NEK10: variants seen among roughly 807,000 people sequenced by gnomAD.
NEK10 encodes the protein serine/threonine-protein kinase Nek10.
NEK10 carries 122 observed loss-of-function variants against 159.8 expected under a neutral mutation model. The observed-to-expected ratio is 0.76, with a 90% confidence interval of 0.66 to 0.89. NEK10 has a LOEUF of 0.89. Among genes scored for constraint, NEK10 ranks in the 40% least tolerant of loss-of-function variants. The probability of loss-of-function intolerance (pLI) is 0.00; values close to 1 mark genes in which losing one functional copy is unlikely to be tolerated. For synonymous variants in NEK10, 466 were observed against 457.1 expected, an observed-to-expected ratio of 1.02 and a Z score of -0.25; for missense variants, 1,342 against 1,323.1, an observed-to-expected ratio of 1.01 and a Z score of -0.22.
intron 23 of NEK10, among the ~76,000 whole-genome samples, chr3:27,213,725 A>G (rs1295639755): frequency 6.6e-6 from 1 of 152,222 alleles, no homozygotes; most frequent in Non-Finnish European, 1.5e-5. Context: ...TGATCTTTGT[A>G]GGAATAAGAT....
intron 30 of NEK10, among the ~76,000 whole-genome samples, chr3:27,145,821 C>T (rs1333171989): frequency 6.6e-6 from 1 of 151,470 alleles, no homozygotes; most frequent in Non-Finnish European, 1.5e-5. Context: ...ATCCTAATCC[C>T]CAAGGCAATG....
intron 30 of NEK10, among the ~76,000 whole-genome samples, chr3:27,157,097 G>A (rs1011109564): frequency 1.3e-5 from 2 of 150,914 alleles, no homozygotes; most frequent in African/African-American, 4.9e-5. Context: ...ACCAAACATT[G>A]TATCTTCTCA....
intron 30 of NEK10, among the ~76,000 whole-genome samples, chr3:27,156,728 T>C (rs532131940): frequency 5.9e-5 from 9 of 151,526 alleles, no homozygotes; most frequent in South Asian, 4.2e-4. Context: ...ACAATCACTA[T>C]GGAAAATAGT....
chr3:27,123,337 T>G (rs1454366354), intron 32 of NEK10, among the ~76,000 whole-genome samples: 2 of 152,104 alleles, frequency 1.3e-5, no homozygotes, highest in Non-Finnish European at 2.9e-5. Flanking sequence ...CTGGAGCTGA[T>G]CTTTGAAGGA....
At chr3:27,288,023 T>C (rs1293005011) in intron 19 of NEK10, among the ~76,000 whole-genome samples, 36 of 152,326 alleles carry the variant, frequency 2.4e-4, no homozygotes, top group Admixed American at 2.2e-3. Context: ...AAGAGAACTA[T>C]AGAGGTAGAA....
intron 4 of NEK10, 113 bp downstream of exon 4, chr3:27,345,973 T>TAAAG (rs1294314119): frequency 2.1e-6 from 2 of 966,964 alleles, no homozygotes; most frequent in African/African-American, 3.3e-5. Context: ...TAAGAATCGC[T>TAAAG]ATGGTAAATT....
chr3:27,368,223 C>T (rs1484443779), intron 1 of NEK10, among the ~76,000 whole-genome samples: 3 of 152,026 alleles, frequency 2.0e-5, no homozygotes, highest in Non-Finnish European at 4.4e-5. Flanking sequence ...ACCCGGAAGG[C>T]GGAGGCTGCA....
At chr3:27,158,316 T>C (rs957319592) in intron 30 of NEK10, among the ~76,000 whole-genome samples, 1 of 152,186 alleles carries the variant, frequency 6.6e-6, no homozygotes, top group Non-Finnish European at 1.5e-5. Context: ...AAAAATGCTA[T>C]GCAACATAAT....
rs1367557575 is a variant in NEK10, at chr3:27,202,453, G to A, written c.2195C>T (p.Thr732Ile). 2.5e-6 allele frequency: 4 copies of A among 1,613,684 alleles called. No homozygotes were observed. The highest frequency in any genetic ancestry group is 1.7e-5 in the Admixed American group (1 of 59,988). ...MATLSPPFYSTNMLSLATKIV... is the reference protein window; with the variant it reads ...MATLSPPFYSINMLSLATKIV... ...TTTTGTAGCCAAGGACAGCATGTTA[G>A]TGCTGTAGAAGGGGGGACTCAAAGT... is the stretch of plus-strand genomic sequence containing the variant. The change falls in exon 24 of 36, where the codon ACT becomes ATT. Residue 732 changes from threonine (T) to isoleucine (I), a missense_variant. Thr to Ile is a moderately conservative substitution (Grantham distance 89). Transcript: ENST00000691995.
intron 23 of NEK10, among the ~76,000 whole-genome samples, chr3:27,232,064 G>A (rs1953343072): frequency 6.6e-6 from 1 of 151,826 alleles, no homozygotes; most frequent in Admixed American, 6.6e-5. Flanking sequence ...TAACCCTGAT[G>A]AATATAGATG....
chr3:27,313,743 C>T (rs374820284), intron 7 of NEK10, among the ~76,000 whole-genome samples: 5 of 152,160 alleles, frequency 3.3e-5, no homozygotes, highest in African/African-American at 9.7e-5. Context: ...GGCGGAGTTT[C>T]GCTCTGTTGC....
At chr3:27,143,735 C>A (rs1276006519) in intron 30 of NEK10, among the ~76,000 whole-genome samples, 1 of 152,130 alleles carries the variant, frequency 6.6e-6, no homozygotes, top group Non-Finnish European at 1.5e-5. Context: ...AGATTCAAGG[C>A]TCCCAGGAGC....
chr3:27,277,145 A>G (rs2149423721), intron 22 of NEK10, among the ~76,000 whole-genome samples: 1 of 152,192 alleles, frequency 6.6e-6, no homozygotes, highest in South Asian at 2.1e-4. Context: ...ATTTGGTAAT[A>G]ATGTCTGGAG....
chr3:27,112,159 C>T (rs1319188037), intron 35 of NEK10, among the ~76,000 whole-genome samples: 1 of 152,154 alleles, frequency 6.6e-6, no homozygotes, highest in Non-Finnish European at 1.5e-5. Flanking sequence ...TCCTAACTGT[C>T]CAAGCAGTCT....
intron 30 of NEK10, among the ~76,000 whole-genome samples, chr3:27,159,420 A>G (rs1945801033): frequency 6.6e-6 from 1 of 152,162 alleles, no homozygotes; most frequent in African/African-American, 2.4e-5. Flanking sequence ...TAGTCGATGT[A>G]AAGAAAAATA....
intron 26 of NEK10, among the ~76,000 whole-genome samples, chr3:27,187,634 G>A (rs13091109): frequency 0.2 from 29,801 of 151,564 alleles, 2,958 homozygotes; most frequent in Non-Finnish European, 0.22. Context: ...AACACTGGGG[G>A]GTAAAAAACA....
chr3:27,274,751 T>C (rs1218914671), intron 22 of NEK10, among the ~76,000 whole-genome samples: 1 of 152,118 alleles, frequency 6.6e-6, no homozygotes, highest in Non-Finnish European at 1.5e-5. Context: ...GAAGCTCCAA[T>C]GGCTTTAGTA....
intron 3 of NEK10, among the ~76,000 whole-genome samples, chr3:27,351,573 A>C (rs754771340): frequency 1.3e-5 from 2 of 152,150 alleles, no homozygotes; most frequent in Non-Finnish European, 2.9e-5. Flanking sequence ...AATACGAACT[A>C]TCATTATTTG....
At chr3:27,143,209 A>T (rs984417537) in intron 30 of NEK10, among the ~76,000 whole-genome samples, 18 of 152,192 alleles carry the variant, frequency 1.2e-4, no homozygotes, top group Admixed American at 1.1e-3. Context: ...CAAATACTAG[A>T]CAGTGTGTAA....
Sources: allele counts gnomAD v4.1 joint callset (sites outside exome capture counted in the v4.1 genomes callset), GRCh38; gene constraint gnomAD v4.1.1; transcripts MANE v1.5; gene names NCBI Gene and HGNC (gene_info 2026-07-23, HGNC 2026-07-21).